Variants in PEAK1 observed in about 807,000 individuals in gnomAD.
PEAK1 encodes the protein inactive tyrosine-protein kinase PEAK1.
Under a neutral mutation model 124.7 loss-of-function variants are expected in PEAK1, and 54 were observed. The observed-to-expected ratio is 0.43, with a 90% CI of 0.35 to 0.54. The LOEUF is 0.54. PEAK1 is among the 20% of genes least tolerant of loss of function. The probability of loss-of-function intolerance (pLI) is 0.01; values close to 1 mark genes in which losing one functional copy is unlikely to be tolerated. For synonymous variants in PEAK1, 719 were observed against 760.0 expected (o/e 0.95, Z 0.89); for missense variants, 2,046 against 2,134.5 (o/e 0.96, Z 0.82).
At chr15:77,341,766 G>A (rs1197884407) in intron 2 of PEAK1, among the ~76,000 whole-genome samples, 1 of 152,048 alleles carries the variant, frequency 6.6e-6, no homozygotes, top group Non-Finnish European at 1.5e-5. Context: ...TTCAGAAATT[G>A]CAAGAGTTAT....
At position 77,114,508 on chromosome 15, in the gene PEAK1, A is replaced by G; in HGVS notation, c.4889T>C (p.Phe1630Ser). 1.9e-6 allele frequency: 3 copies of G among 1,613,992 alleles called. No individual in the cohort carries two copies. In the African/African-American group the frequency reaches 4.0e-5, roughly 22 times the overall value. Residue 1630 changes from phenylalanine to serine, a missense_variant, in exon 10 of 10, where the codon TTC becomes TCC. Physicochemically the swap from Phe to Ser is radical, Grantham distance 155 (BLOSUM62 -2). Coordinates refer to ENST00000682557, the MANE Select transcript of PEAK1 (RefSeq NM_001385026.1). ...CAGACCCCGGGAGTAGGGGGAGCGG[A>G]ATGGGATGCGAGGCAGGTCTGCTCG... ...YTRADLPRIP[F>S]RSPYSRGLQQ... is the part of the protein sequence containing the mutation.
intron 5 of PEAK1, among the ~76,000 whole-genome samples, chr15:77,265,898 C>T (rs868170959): frequency 6.6e-5 from 10 of 152,254 alleles, no homozygotes; most frequent in South Asian, 4.2e-4. Flanking sequence ...AAATGTGGCA[C>T]GTATACACCA....
chr15:77,130,253 TG>T (rs1323223491), intron 9 of PEAK1, among the ~76,000 whole-genome samples: 4 of 152,196 alleles, frequency 2.6e-5, no homozygotes, highest in African/African-American at 9.7e-5. Context: ...CATCCTGCAT[TG>T]GTGATTTTGC....
intron 8 of PEAK1, among the ~76,000 whole-genome samples, chr15:77,145,135 C>T (rs949904102): frequency 9.2e-5 from 14 of 152,224 alleles, no homozygotes; most frequent in Non-Finnish European, 1.8e-4. Context: ...TAATCTACCT[C>T]TTTACTTTCT....
At chr15:77,170,511 G>A (rs2056432326) in intron 7 of PEAK1, among the ~76,000 whole-genome samples, 1 of 152,070 alleles carries the variant, frequency 6.6e-6, no homozygotes, top group South Asian at 2.1e-4. Flanking sequence ...TTCAGTGTGG[G>A]GAGTGTGGGG....
chr15:77,295,614 A>C (rs1354469002), intron 2 of PEAK1, among the ~76,000 whole-genome samples: 1 of 152,208 alleles, frequency 6.6e-6, no homozygotes, highest in African/African-American at 2.4e-5. Context: ...AATGCAAAAC[A>C]CTACCTCAAG....
At chr15:77,380,842 G>A (rs895234878) in intron 1 of PEAK1, among the ~76,000 whole-genome samples, 2 of 152,156 alleles carry the variant, frequency 1.3e-5, no homozygotes, top group Non-Finnish European at 2.9e-5. Context: ...CCAAATGGCA[G>A]AGTAAGTGTT....
chr15:77,219,669 G>C (rs2059299951), intron 6 of PEAK1, among the ~76,000 whole-genome samples: 1 of 152,086 alleles, frequency 6.6e-6, no homozygotes, highest in Non-Finnish European at 1.5e-5. Flanking sequence ...ATACACCAAA[G>C]GGTCGGGCCT....
At chr15:77,385,072 T>C (rs945587160) in intron 1 of PEAK1, among the ~76,000 whole-genome samples, 2 of 152,194 alleles carry the variant, frequency 1.3e-5, no homozygotes, top group African/African-American at 2.4e-5. Context: ...TAAGATACTT[T>C]CCTGAAATAC....
chr15:77,397,998 G>C (rs1191138464), intron 1 of PEAK1, among the ~76,000 whole-genome samples: 2 of 152,180 alleles, frequency 1.3e-5, no homozygotes. Flanking sequence ...CCAGGAGGCG[G>C]AGGTTGCGGT....
chr15:77,378,847 A>G (rs913576753), intron 1 of PEAK1, among the ~76,000 whole-genome samples: 7 of 152,216 alleles, frequency 4.6e-5, no homozygotes, highest in African/African-American at 1.4e-4. Flanking sequence ...ATTCATTCAT[A>G]TATCATTTAT....
At chr15:77,326,902 T>C (rs185998796) in intron 2 of PEAK1, among the ~76,000 whole-genome samples, 2 of 152,208 alleles carry the variant, frequency 1.3e-5, no homozygotes. Context: ...CTTCAGAAAT[T>C]AAGTTTAGCA....
intron 8 of PEAK1, among the ~76,000 whole-genome samples, chr15:77,137,067 C>T (rs2053396246): frequency 6.6e-6 from 1 of 152,252 alleles, no homozygotes; most frequent in Non-Finnish European, 1.5e-5. Context: ...CAAGCCTTGG[C>T]AGCTTCCATG....
chr15:77,133,837 G>A lies in PEAK1; in HGVS notation c.3332-87C>T. The A allele has an allele frequency of 7.2e-7, 1 of 1,386,730 alleles. No individual in the cohort carries two copies. Among genetic ancestry groups the A allele is most frequent in the Non-Finnish European group, 9.6e-7 (1 of 1,046,338 alleles). The allele number at this position is 1,386,730 out of a possible 1,614,324, so 85.9% of individuals were successfully genotyped here. On this transcript the variant is annotated intron_variant, in intron 8 of 9. Coordinates refer to ENST00000682557, the MANE Select transcript of PEAK1 (RefSeq NM_001385026.1). This position sits in a 1 kb window ranked among gnomAD's most constrained non-coding sequence, Gnocchi z 4.2. ...AACTGAAACTTGAGCAGAAATGAGT[G>A]AGGTAGCCATGGGAATGTAAGAATA...
chr15:77,337,735 G>A, intron 2 of PEAK1: 28 of 985,348 alleles, frequency 2.8e-5, no homozygotes, highest in Non-Finnish European at 3.4e-5. Flanking sequence ...TATGAACATA[G>A]TGTCACTAGA....
intron 2 of PEAK1, chr15:77,333,587 TTA>T (rs1387098861): frequency 1.4e-5 from 13 of 936,046 alleles, no homozygotes; most frequent in Non-Finnish European, 1.7e-5. Flanking sequence ...AATGTTTTCA[TTA>T]TTTTAACCAT....
intron 2 of PEAK1, chr15:77,337,808 C>T (rs958223044): frequency 1.4e-5 from 14 of 985,168 alleles, no homozygotes; most frequent in Middle Eastern, 5.2e-4. Flanking sequence ...GAATGGAAAA[C>T]GCTACTTTAG....
At chr15:77,166,915 T>G (rs1351770765) in intron 7 of PEAK1, among the ~76,000 whole-genome samples, 4 of 152,090 alleles carry the variant, frequency 2.6e-5, no homozygotes, top group Non-Finnish European at 5.9e-5. Context: ...CTACCAAACT[T>G]TCATGTACCT....
intron 2 of PEAK1, among the ~76,000 whole-genome samples, chr15:77,328,795 G>C (rs953929747): frequency 7.9e-5 from 12 of 152,154 alleles, no homozygotes; most frequent in African/African-American, 2.9e-4. Context: ...TGTTTTTGGA[G>C]CAAAGGAATT....
Sources: gnomAD v4.1 joint callset for allele counts (sites outside exome capture counted in the v4.1 genomes callset) on GRCh38, gnomAD v4.1.1 for gene constraint, Gnocchi (gnomAD v3.1) non-coding constraint, MANE v1.5 for transcripts, NCBI Gene and HGNC (gene_info 2026-07-23, HGNC 2026-07-21) for gene names.